MAF: variants seen among roughly 807,000 people sequenced by gnomAD.
MAF encodes transcription factor Maf.
MAF carries 10 observed loss-of-function variants against 22.0 expected under a neutral mutation model. That is an observed-to-expected ratio of 0.45 (90% CI 0.28 to 0.77). The LOEUF (loss-of-function observed/expected upper bound fraction) is 0.77. Among genes scored for constraint, MAF ranks in the 30% least tolerant of loss-of-function variants. The pLI, the probability that MAF is intolerant of heterozygous loss-of-function variation, is 0.12. For missense variants in MAF, 544 were observed against 548.4 expected (o/e 0.99, Z 0.08); for synonymous variants, 337 against 255.8 (o/e 1.32, Z -3.03).
chr16:79,572,704 T>G, the MAF span, among the ~76,000 whole-genome samples: 8 of 152,346 alleles, frequency 5.3e-5, no homozygotes, highest in African/African-American at 1.9e-4. Context: ...TTATTTGGCC[T>G]GACCTTCGAA....
At chr16:79,482,290 G>A in the MAF span, among the ~76,000 whole-genome samples, 12 of 152,062 alleles carry the variant, frequency 7.9e-5, no homozygotes, top group Non-Finnish European at 1.8e-4. Flanking sequence ...CTTTCTGGGG[G>A]TTCATTTCCT....
the MAF span, among the ~76,000 whole-genome samples, chr16:79,261,277 T>G: frequency 5.9e-5 from 9 of 152,284 alleles, no homozygotes; most frequent in South Asian, 1.9e-3. Context: ...TTCAGCCTCC[T>G]GAGTAGCTGG....
chr16:79,416,777 A>T, the MAF span, among the ~76,000 whole-genome samples: 1 of 152,152 alleles, frequency 6.6e-6, no homozygotes, highest in Non-Finnish European at 1.5e-5. Flanking sequence ...GCAGCTTGCT[A>T]CCCTCTCCCT....
chr16:79,388,901 T>A, the MAF span, among the ~76,000 whole-genome samples: 6 of 152,234 alleles, frequency 3.9e-5, no homozygotes, highest in Middle Eastern at 3.2e-3. Flanking sequence ...CTCAGCTAGC[T>A]TGACTTGCAG....
the MAF span, among the ~76,000 whole-genome samples, chr16:79,270,983 C>G: frequency 6.5e-3 from 981 of 150,856 alleles, 12 homozygotes; most frequent in African/African-American, 0.022. Flanking sequence ...TCACTGCAAT[C>G]TCCGCCTCCT....
the MAF span, among the ~76,000 whole-genome samples, chr16:79,491,716 G>A: frequency 6.6e-6 from 1 of 152,154 alleles, no homozygotes; most frequent in African/African-American, 2.4e-5. Context: ...AATTTTTCTT[G>A]AGAAGATGTG....
the MAF span, among the ~76,000 whole-genome samples, chr16:79,231,739 C>T: frequency 6.6e-6 from 1 of 152,022 alleles, no homozygotes; most frequent in Non-Finnish European, 1.5e-5. Flanking sequence ...TTTCTGTGGA[C>T]CGGAGTTAGG....
the MAF span, among the ~76,000 whole-genome samples, chr16:79,246,199 A>G: frequency 6.6e-6 from 1 of 152,162 alleles, no homozygotes; most frequent in East Asian, 1.9e-4. Flanking sequence ...CAGAACTTAA[A>G]GTATAATAAA....
the MAF span, among the ~76,000 whole-genome samples, chr16:79,244,562 AAG>A: frequency 7.8e-4 from 119 of 152,190 alleles, no homozygotes; most frequent in Middle Eastern, 0.01. Context: ...TCAAGGAAAT[AAG>A]AGAGGACACA....
chr16:79,450,392 C>T, the MAF span, among the ~76,000 whole-genome samples: 2 of 152,210 alleles, frequency 1.3e-5, no homozygotes, highest in Admixed American at 1.3e-4. Context: ...TCAATGTAGA[C>T]TCTTGCAAAG....
chr16:79,408,071 T>C, the MAF span, among the ~76,000 whole-genome samples: 1 of 97,166 alleles, frequency 1.0e-5, no homozygotes, highest in African/African-American at 4.5e-5. Context: ...TTTGGCTTTT[T>C]ACCTTTCAAA....
the MAF span, among the ~76,000 whole-genome samples, chr16:79,548,081 T>A: frequency 2.0e-5 from 3 of 152,230 alleles, no homozygotes; most frequent in African/African-American, 7.2e-5. Flanking sequence ...ATAGTGGTTG[T>A]TTTCTTTTTT....
At chr16:79,428,549 C>T in the MAF span, among the ~76,000 whole-genome samples, 1 of 152,016 alleles carries the variant, frequency 6.6e-6, no homozygotes, top group African/African-American at 2.4e-5. Context: ...TCCTAAAGGT[C>T]ATGGGAGGGA....
chr16:79,323,121 C>CCTGG, the MAF span, among the ~76,000 whole-genome samples: 1 of 124,992 alleles, frequency 8.0e-6, no homozygotes, highest in East Asian at 2.5e-4. Flanking sequence ...TGCATTCCAG[C>CCTGG]CTGGGTGACA....
chr16:79,233,157 A>G, the MAF span, among the ~76,000 whole-genome samples: 2 of 151,892 alleles, frequency 1.3e-5, no homozygotes, highest in African/African-American at 2.4e-5. Flanking sequence ...GCCATTCTTA[A>G]TGACTACCCG....
chr16:79,387,511 C>G, the MAF span, among the ~76,000 whole-genome samples: 1 of 152,314 alleles, frequency 6.6e-6, no homozygotes, highest in African/African-American at 2.4e-5. Context: ...TCTGGTTCAT[C>G]CTTCTACATG....
the MAF span, among the ~76,000 whole-genome samples, chr16:79,323,148 A>C: frequency 0.043 from 1,491 of 34,468 alleles, 20 homozygotes; most frequent in African/African-American, 0.14. Context: ...GACTCCATCT[A>C]AAAAAAAAAA....
the MAF span, among the ~76,000 whole-genome samples, chr16:79,547,061 C>G: frequency 6.6e-6 from 1 of 152,110 alleles, no homozygotes; most frequent in Non-Finnish European, 1.5e-5. Flanking sequence ...GAGTTTGAAG[C>G]TTTTTCTTTG....
At chr16:79,435,008 G>C in the MAF span, among the ~76,000 whole-genome samples, 287 of 152,256 alleles carry the variant, frequency 1.9e-3, 3 homozygotes, top group African/African-American at 6.5e-3. Flanking sequence ...TGTTGGGAGT[G>C]ATCACTTCTG....
Sources: allele counts gnomAD v4.1 joint callset (sites outside exome capture counted in the v4.1 genomes callset), GRCh38; gene constraint gnomAD v4.1.1; transcripts MANE v1.5; gene names NCBI Gene and HGNC (gene_info 2026-07-23, HGNC 2026-07-21).